MICAL2: variants seen among roughly 807,000 people sequenced by gnomAD.
The protein encoded by MICAL2 is microtubule associated monooxygenase, calponin and LIM domain containing 2.
MICAL2 carries 77 observed loss-of-function variants against 127.3 expected under a neutral mutation model. The observed-to-expected ratio is 0.60, with a 90% CI of 0.50 to 0.73. The LOEUF is 0.73. Among genes scored for constraint, MICAL2 ranks in the 30% least tolerant of loss-of-function variants. MICAL2 has a pLI of 0.00. For missense variants in MICAL2, 1,351 were observed against 1,434.4 expected, an observed-to-expected ratio of 0.94 and a Z score of 0.94; for synonymous variants, 570 against 551.1, an observed-to-expected ratio of 1.03 and a Z score of -0.48.
At position 12,239,526 on chromosome 11, in the gene MICAL2, G is replaced by A. The variant is rs1859572279; in HGVS notation, c.2155G>A (p.Ala719Thr). The A allele has an allele frequency of 6.2e-7, 1 of 1,614,188 alleles. No individual in the cohort carries two copies. The highest frequency in any genetic ancestry group is 8.5e-7 in the Non-Finnish European group (1 of 1,180,030). Reference sequence around the variant, plus strand: ...AAATCAGAACAAAGTCAAGTCCATGGCGAATCAGCTGCTGGCCAAGTTTGA... The same window carrying A: ...AAATCAGAACAAAGTCAAGTCCATGACGAATCAGCTGCTGGCCAAGTTTGA... ...GGNQNKVKSMANQLLAKFEES... is the reference protein window; with the variant it reads ...GGNQNKVKSMTNQLLAKFEES... Residue 719 changes from alanine to threonine, a missense_variant, in exon 17 of 28, where the codon GCG becomes ACG. By Grantham distance (58) the Ala-to-Thr change is moderately conservative. This residue lies in a region of MICAL2 where 752 missense variants were observed against 719.4 expected (regional missense o/e 1.05). Transcript: ENST00000683283.
intron 3 of MICAL2, among the ~76,000 whole-genome samples, chr11:12,191,950 CCAGGG>C (rs148166945): frequency 0.017 from 2,593 of 151,998 alleles, 71 homozygotes; most frequent in African/African-American, 0.06. Flanking sequence ...GGAAGGGTGT[CCAGGG>C]CAGGAGGACC....
downstream of MICAL2, among the ~76,000 whole-genome samples, chr11:12,287,920 C>G (rs957720398): frequency 6.6e-6 from 1 of 152,204 alleles, no homozygotes; most frequent in Admixed American, 6.5e-5. Flanking sequence ...CACTCCCTCT[C>G]CAGCCTCACC....
intron 21 of MICAL2, among the ~76,000 whole-genome samples, chr11:12,244,352 G>T (rs983105794): frequency 6.6e-6 from 1 of 152,224 alleles, no homozygotes; most frequent in Non-Finnish European, 1.5e-5. Context: ...ATTAATCAGG[G>T]CCCACCGTAT....
chr11:12,122,874 ACAGTG>A (rs1850622442), intron 1 of MICAL2, among the ~76,000 whole-genome samples: 1 of 152,144 alleles, frequency 6.6e-6, no homozygotes, highest in Non-Finnish European at 1.5e-5. Context: ...GCTTGACTCC[ACAGTG>A]GTGGTTTAGC....
Position 12,314,747 on chromosome 11 carries a change from A to G in MICAL2, c.5213-4949A>G, listed in dbSNP as rs192900284. 5.9e-3 allele frequency among the ~76,000 whole-genome samples: 896 copies of G among 151,316 alleles called. 8 individuals carry two copies. The highest frequency in any genetic ancestry group is 0.014 in the Middle Eastern group (4 of 294). Reference sequence around the variant, plus strand: ...GTGATCTGCCTGCCTCGGCCTCCCAAAGTGCTGGGATTACAGATTTGAGTC... The same window carrying G: ...GTGATCTGCCTGCCTCGGCCTCCCAGAGTGCTGGGATTACAGATTTGAGTC... On this transcript the variant is annotated intron_variant, in intron 29 of 34. Coordinates refer to the MICAL2 transcript ENST00000646065.
intron 29 of MICAL2, among the ~76,000 whole-genome samples, chr11:12,319,069 G>A (rs1267019970): frequency 6.6e-6 from 1 of 152,184 alleles, no homozygotes; most frequent in East Asian, 1.9e-4. Flanking sequence ...CATAATTAAT[G>A]AAATATTTAT....
intron 3 of MICAL2, among the ~76,000 whole-genome samples, chr11:12,185,113 G>T (rs10831751): frequency 5.9e-4 from 1 of 1,698 alleles, no homozygotes; most frequent in Non-Finnish European, 1.3e-3. Context: ...AGGTGGGTGG[G>T]TGGGTGGGTG....
chr11:12,242,913 A>G, intron 20 of MICAL2, 141 bp downstream of exon 20: 1 of 572,944 alleles, frequency 1.7e-6, no homozygotes, highest in Non-Finnish European at 3.0e-6. Flanking sequence ...AAGCCACCAA[A>G]TAATACAAGC....
intron 32 of MICAL2, among the ~76,000 whole-genome samples, chr11:12,337,470 C>A (rs141848973): frequency 0.18 from 27,767 of 151,950 alleles, 2,869 homozygotes; most frequent in East Asian, 0.44. Context: ...CTGCTCTGGT[C>A]TTAGTTATTT....
At chr11:12,166,938 AAGG>A (rs1855573981) in intron 3 of MICAL2, among the ~76,000 whole-genome samples, 2 of 152,088 alleles carry the variant, frequency 1.3e-5, no homozygotes, top group Admixed American at 1.3e-4. Context: ...TGTAATGGGA[AAGG>A]AGGAGTGTGT....
intron 2 of MICAL2, among the ~76,000 whole-genome samples, chr11:12,281,898 G>C (rs1038943467): frequency 6.6e-6 from 1 of 152,154 alleles, no homozygotes; most frequent in African/African-American, 2.4e-5. Context: ...GGACCAAATC[G>C]TCTGATTTAT....
Position 12,165,339 on chromosome 11 carries a change from AG to A in MICAL2, c.264+2924del, listed in dbSNP as rs558227627. 5.5e-4 allele frequency among the ~76,000 whole-genome samples: 84 copies of A among 152,098 alleles called. 1 individual carries two copies. In the South Asian group the frequency reaches 0.015, roughly 27 times the overall value. On this transcript the variant is annotated intron_variant, in intron 3 of 27. Coordinates refer to ENST00000683283, the MANE Select transcript of MICAL2 (RefSeq NM_001282663.2). The stretch of plus-strand genomic sequence containing the variant: ...CTTGTTGTGAGTCAAAACACAGAAC[AG>A]GGGTCCTCACCTCTTCCAACATGAA...
intron 10 of MICAL2, among the ~76,000 whole-genome samples, chr11:12,222,334 A>G (rs993758729): frequency 6.6e-6 from 1 of 152,140 alleles, no homozygotes; most frequent in African/African-American, 2.4e-5. Flanking sequence ...TGGTTATGGC[A>G]AAACCACAGG....
intron 32 of MICAL2, among the ~76,000 whole-genome samples, chr11:12,347,232 C>T (rs867527144): frequency 2.0e-4 from 31 of 152,312 alleles, no homozygotes; most frequent in African/African-American, 7.2e-4. Context: ...TCCAGCCTCA[C>T]ACCCTGATCA....
intron 2 of MICAL2, among the ~76,000 whole-genome samples, chr11:12,281,732 A>C (rs1183744750): frequency 6.6e-6 from 1 of 152,216 alleles, no homozygotes; most frequent in Non-Finnish European, 1.5e-5. Flanking sequence ...AAACAGGCTG[A>C]GTGGTCTCCC....
chr11:12,133,633 A>G (rs1439716215), intron 1 of MICAL2, among the ~76,000 whole-genome samples: 36 of 151,990 alleles, frequency 2.4e-4, no homozygotes. Context: ...AAAAAAAAAA[A>G]GTAAAACAAA....
chr11:12,356,449 G>A (rs1211628936), intron 34 of MICAL2, among the ~76,000 whole-genome samples: 6 of 152,204 alleles, frequency 3.9e-5, no homozygotes, highest in Non-Finnish European at 8.8e-5. Context: ...AATGGGAAAA[G>A]GCAGGTCTGT....
chr11:12,313,366 C>T (rs1011223495), intron 29 of MICAL2, among the ~76,000 whole-genome samples: 8 of 151,726 alleles, frequency 5.3e-5, no homozygotes, highest in East Asian at 3.9e-4. Flanking sequence ...TGAATAACCG[C>T]GGGGGGAGAA....
chr11:12,160,675 C>G (rs1327606700), intron 2 of MICAL2, among the ~76,000 whole-genome samples: 1 of 152,154 alleles, frequency 6.6e-6, no homozygotes, highest in Non-Finnish European at 1.5e-5. Context: ...TCTTGTGGCC[C>G]CTCTGGACTC....
Sources: gnomAD v4.1 joint callset for allele counts (sites outside exome capture counted in the v4.1 genomes callset) on GRCh38, gnomAD v4.1.1 for gene constraint, gnomAD v4.1.1 regional missense constraint, MANE v1.5 for transcripts, NCBI Gene and HGNC (gene_info 2026-07-23, HGNC 2026-07-21) for gene names.